Variants in RELN observed in about 807,000 individuals in gnomAD.
RELN encodes reelin.
Under a neutral mutation model 427.6 loss-of-function variants are expected in RELN, and 108 were observed. The ratio of observed to expected loss-of-function variants is 0.25; its 90% CI spans 0.22 to 0.30. RELN has a LOEUF of 0.30. RELN is among the 10% of genes least tolerant of loss of function. RELN has a pLI of 1.00. For missense variants in RELN, 3,715 were observed against 4,302.8 expected, an observed-to-expected ratio of 0.86 and a Z score of 3.82; for synonymous variants, 1,524 against 1,513.4, an observed-to-expected ratio of 1.01 and a Z score of -0.16.
chr7:103,666,139 A>G (rs753397512), intron 11 of RELN, among the ~76,000 whole-genome samples: 5 of 151,852 alleles, frequency 3.3e-5, no homozygotes, highest in African/African-American at 4.8e-5. Context: ...TTCATGGCTC[A>G]TGGTAGCCTT....
At chr7:103,748,789 A>G (rs1373719257) in intron 6 of RELN, among the ~76,000 whole-genome samples, 1 of 152,234 alleles carries the variant, frequency 6.6e-6, no homozygotes, top group Non-Finnish European at 1.5e-5. Context: ...ATTTAGTATA[A>G]TAGAAAATCC....
At chr7:103,675,145 C>A (rs1458125108) in intron 11 of RELN, among the ~76,000 whole-genome samples, 1 of 152,224 alleles carries the variant, frequency 6.6e-6, no homozygotes, top group Non-Finnish European at 1.5e-5. Context: ...ACCCCACTGT[C>A]TCAGCCCAAA....
intron 16 of RELN, among the ~76,000 whole-genome samples, chr7:103,646,548 ACCT>A (rs1187888429): frequency 6.6e-6 from 1 of 151,920 alleles, no homozygotes; most frequent in Admixed American, 6.6e-5. Flanking sequence ...CTGGAAACAT[ACCT>A]CCTCCTAAGA....
chr7:103,574,131 C>G lies in RELN; in HGVS notation c.4472G>C (p.Arg1491Thr). 6.2e-7 allele frequency: 1 copy of G among 1,614,142 alleles called. No homozygotes were observed. The highest frequency in any genetic ancestry group is 1.3e-5 in the African/African-American group (1 of 75,040). Residue 1491 changes from arginine (R) to threonine (T), a missense_variant, in exon 30 of 65, where the codon AGG becomes ACG. Physicochemically the swap from Arg to Thr is moderately conservative, Grantham distance 71. Coordinates refer to ENST00000428762, the MANE Select transcript of RELN (RefSeq NM_005045.4). Reference protein sequence around the residue: ...KSLYFNGPGKREARTVPLDTR... With the variant: ...KSLYFNGPGKTEARTVPLDTR... ...GTCCAGAGGGACCGTCCGGGCTTCC[C>G]TTTTCCCAGGGCCATTGAAGTAGAG...
At chr7:103,778,303 T>C (rs1396111265) in intron 3 of RELN, among the ~76,000 whole-genome samples, 1 of 152,162 alleles carries the variant, frequency 6.6e-6, no homozygotes, top group Non-Finnish European at 1.5e-5. Context: ...ACACTTCCAA[T>C]AGCAACACAG....
intron 6 of RELN, among the ~76,000 whole-genome samples, chr7:103,739,750 A>C (rs866746658): frequency 6.6e-5 from 10 of 152,194 alleles, no homozygotes; most frequent in African/African-American, 2.4e-4. Context: ...ATGAAGGGCC[A>C]CTTCCCTAGC....
Position 103,496,631 on chromosome 7 carries a change from C to T in RELN, c.9088G>A (p.Gly3030Arg), listed in dbSNP as rs763013239. ...RWWQPFVISN[G>R]IVVSGVERAQ... ...CGCTCCACCCCAGAGACCACAATTC[C>T]ATTGCTGATCACAAAAGGCTGCCAC... The change falls in exon 56 of 65, where the codon GGA becomes AGA. Residue 3030 changes from glycine to arginine, a missense_variant. Physicochemically the swap from Gly to Arg is moderately radical, Grantham distance 125 (BLOSUM62 -2). Around this residue, in one of 4 missense-constraint regions of RELN, gnomAD observed 1,310 missense variants for 1,643.0 expected, o/e 0.80. Transcript: ENST00000428762. 4 of 1,614,190 alleles carry T rather than the reference C, an allele frequency of 2.5e-6. No homozygotes were observed. Among genetic ancestry groups the T allele is most frequent in the Non-Finnish European group, 3.4e-6 (4 of 1,180,026 alleles).
chr7:103,603,314 T>C lies in RELN; in HGVS notation c.3323A>G (p.Tyr1108Cys). 1 of 1,613,664 alleles carries C rather than the reference T, an allele frequency of 6.2e-7. No homozygotes were observed. Among genetic ancestry groups the C allele is most frequent in the East Asian group, 2.2e-5 (1 of 44,870 alleles). ...CGVISSGSSLYFSKAGKRQLV... is the reference protein window; with the variant it reads ...CGVISSGSSLCFSKAGKRQLV... Reference sequence around the variant, plus strand: ...AGCTGTTGGTCATACCTTGCTGAAGTACAGAGATGATCCAGAAGAGATGAC... The same window carrying C: ...AGCTGTTGGTCATACCTTGCTGAAGCACAGAGATGATCCAGAAGAGATGAC... The change falls in exon 24 of 65, where the codon TAC becomes TGC. Residue 1108 changes from tyrosine to cysteine, a missense_variant. By Grantham distance (194) the Tyr-to-Cys change is radical (BLOSUM62 -2). This residue lies in a region of RELN where 2,208 missense variants were observed against 2,361.7 expected (regional missense o/e 0.93). Coordinates refer to ENST00000428762, the MANE Select transcript of RELN (RefSeq NM_005045.4). The surrounding 1 kb of genome is among the most constrained non-coding windows in gnomAD (Gnocchi z 4.3).
chr7:103,863,232 A>G (rs1311896675), intron 2 of RELN, among the ~76,000 whole-genome samples: 1 of 152,196 alleles, frequency 6.6e-6, no homozygotes, highest in Non-Finnish European at 1.5e-5. Flanking sequence ...CATGACGCAT[A>G]AAAGCAAGAG....
intron 3 of RELN, among the ~76,000 whole-genome samples, chr7:103,828,328 CTTTAAGAA>C (rs1317192608): frequency 6.6e-6 from 1 of 151,920 alleles, no homozygotes; most frequent in Non-Finnish European, 1.5e-5. Context: ...GTTTAGTGTA[CTTTAAGAA>C]AACTATCCCT....
chr7:103,809,860 C>A (rs970264727), intron 3 of RELN, among the ~76,000 whole-genome samples: 3 of 152,072 alleles, frequency 2.0e-5, no homozygotes, highest in Admixed American at 6.6e-5. Flanking sequence ...AAAGAGGATC[C>A]CTGCTGTGAC....
chr7:103,472,883 T>A lies in RELN; in HGVS notation c.10312A>T (p.Asn3438Tyr), dbSNP rs1201429543. ...VSTRKQNYMM[N>Y]FSRQHGLRHF... ...CTGAGCCCATGTTGTCGTGAAAAAT[T>A]CATCATGTAATTTTGTTTGCGAGTG... Residue 3438 changes from asparagine (N) to tyrosine (Y), a missense_variant, in exon 65 of 65, where the codon AAT (asparagine) becomes TAT (tyrosine). Physicochemically the swap from Asn to Tyr is moderately radical, Grantham distance 143. Around this residue, in one of 4 missense-constraint regions of RELN, gnomAD observed 195 missense variants for 281.3 expected, o/e 0.69. Coordinates refer to ENST00000428762, the MANE Select transcript of RELN (RefSeq NM_005045.4). 2 of 1,613,820 alleles carry A rather than the reference T, an allele frequency of 1.2e-6. No individual in the cohort carries two copies. The highest frequency in any genetic ancestry group is 2.7e-5 in the African/African-American group (2 of 74,916).
chr7:103,636,138 T>C (rs2117350656), intron 18 of RELN, 97 bp downstream of exon 18: 4 of 863,244 alleles, frequency 4.6e-6, no homozygotes, highest in African/African-American at 1.7e-5. Flanking sequence ...AAATGAGATG[T>C]CTATCAGAAA....
At chr7:103,978,901 C>A (rs1207202295) in intron 1 of RELN, among the ~76,000 whole-genome samples, 2 of 152,186 alleles carry the variant, frequency 1.3e-5, no homozygotes, top group African/African-American at 4.8e-5. Flanking sequence ...CCCTCCCCAC[C>A]CTGGAGGCTC....
Position 103,637,151 on chromosome 7 carries a change from G to A in RELN, c.2070-683C>T, listed in dbSNP as rs1832600689. ...TATTAGCTGACTAGAATATACAGGA[G>A]TGCCCCAAGTTTTCTATCAGTGAGA... On this transcript the variant is annotated intron_variant, in intron 17 of 64. Coordinates refer to ENST00000428762, the MANE Select transcript of RELN (RefSeq NM_005045.4). 2.0e-5 allele frequency among the ~76,000 whole-genome samples: 3 copies of A among 152,296 alleles called. No homozygotes were observed. In the South Asian group the frequency reaches 6.2e-4, roughly 32 times the overall value.
rs957784023 is a variant in RELN at position 103,472,749 on chromosome 7, A to G, written c.*63T>C. The G allele has an allele frequency of 8.5e-6, 11 of 1,289,508 alleles. No individual in the cohort carries two copies. The highest frequency in any genetic ancestry group is 1.1e-5 in the Non-Finnish European group (10 of 886,888). 79.9% of individuals were successfully genotyped at this position (1,289,508 alleles called of 1,614,324 possible). A position where few individuals can be genotyped will look rare whatever the true frequency, so the allele number is the denominator to read the frequency against. On this transcript the variant is annotated 3_prime_UTR_variant, in exon 65 of 65. Transcript: ENST00000428762. Reference sequence around the variant, plus strand: ...TTCCTGATATCAGATGTAGTGCGAGATTTAAAAGAATGGAGAGCAACACAT... The same window carrying G: ...TTCCTGATATCAGATGTAGTGCGAGGTTTAAAAGAATGGAGAGCAACACAT...
chr7:103,609,337 TG>T (rs1831894369), intron 22 of RELN, among the ~76,000 whole-genome samples: 1 of 151,994 alleles, frequency 6.6e-6, no homozygotes, highest in Admixed American at 6.6e-5. Context: ...AATAAAATAA[TG>T]AAAAAATAAA....
At chr7:103,649,808 G>T (rs1832875511) in intron 16 of RELN, among the ~76,000 whole-genome samples, 2 of 151,854 alleles carry the variant, frequency 1.3e-5, no homozygotes, top group African/African-American at 4.8e-5. Context: ...GGAGGTAAAA[G>T]TTTCACCTCC....
At position 103,490,748 on chromosome 7, in the gene RELN, A is replaced by C. The variant is rs1241219063; in HGVS notation, c.9525T>G (p.His3175Gln). 6.2e-7 allele frequency: 1 copy of C among 1,614,100 alleles called. No individual in the cohort carries two copies. The highest frequency in any genetic ancestry group is 8.5e-7 in the Non-Finnish European group (1 of 1,180,050). Reference sequence around the variant, plus strand: ...TGACAGAGTTGTAGATGGTGGCTTCATGGAACTGGAAAGGGGAGCAGCCAA... The same window carrying C: ...TGACAGAGTTGTAGATGGTGGCTTCCTGGAACTGGAAAGGGGAGCAGCCAA... ...NSIGCSPFQF[H>Q]EATIYNSVNS... Residue 3175 changes from histidine to glutamine, a missense_variant, in exon 59 of 65, where the codon CAT (histidine) becomes CAG (glutamine). Physicochemically the swap from His to Gln is conservative, Grantham distance 24. Around this residue, in one of 4 missense-constraint regions of RELN, gnomAD observed 1,310 missense variants for 1,643.0 expected, o/e 0.80. Coordinates refer to ENST00000428762, the MANE Select transcript of RELN (RefSeq NM_005045.4).
Sources: gnomAD v4.1 joint callset for allele counts (sites outside exome capture counted in the v4.1 genomes callset) on GRCh38, gnomAD v4.1.1 for gene constraint, gnomAD v4.1.1 regional missense constraint, Gnocchi (gnomAD v3.1) non-coding constraint, MANE v1.5 for transcripts, NCBI Gene and HGNC (gene_info 2026-07-23, HGNC 2026-07-21) for gene names.